The following NEK10 variants were observed in gnomAD, a reference collection of about 807,000 sequenced individuals.
NEK10 encodes the protein serine/threonine-protein kinase Nek10.
In NEK10, 122 loss-of-function variants were observed where a neutral mutation model predicts 159.8. The ratio of observed to expected loss-of-function variants is 0.76; its 90% CI spans 0.66 to 0.89. NEK10 has a LOEUF of 0.89. Among genes scored for constraint, NEK10 ranks in the 40% least tolerant of loss-of-function variants. The pLI, the probability that NEK10 is intolerant of heterozygous loss-of-function variation, is 0.00. For missense variants in NEK10, 1,342 were observed against 1,323.1 expected, an observed-to-expected ratio of 1.01 and a Z score of -0.22; for synonymous variants, 466 against 457.1, an observed-to-expected ratio of 1.02 and a Z score of -0.25.
At chr3:27,237,287 T>A (rs1011043435) in intron 23 of NEK10, among the ~76,000 whole-genome samples, 1 of 152,178 alleles carries the variant, frequency 6.6e-6, no homozygotes, top group Non-Finnish European at 1.5e-5. Context: ...TGTACAATAG[T>A]GGTCCTGAGG....
chr3:27,195,722 T>G (rs1949497104), intron 25 of NEK10, among the ~76,000 whole-genome samples: 2 of 152,316 alleles, frequency 1.3e-5, no homozygotes, highest in South Asian at 4.1e-4. Flanking sequence ...AGGTCTCAGA[T>G]TACACGTCCT....
chr3:27,326,251 G>C (rs2045991345), intron 5 of NEK10, among the ~76,000 whole-genome samples: 1 of 152,182 alleles, frequency 6.6e-6, no homozygotes, highest in Non-Finnish European at 1.5e-5. Flanking sequence ...TCTTTCAGGT[G>C]CTGGGTTAGC....
intron 29 of NEK10, 78 bp from the exon 30 acceptor site, chr3:27,162,816 G>A (rs888092357): frequency 3.2e-6 from 5 of 1,586,998 alleles, no homozygotes; most frequent in Admixed American, 3.6e-5. Context: ...ATCTTGCTAT[G>A]GTCTACATTA....
chr3:27,230,339 G>T (rs769618555), intron 23 of NEK10, among the ~76,000 whole-genome samples: 1 of 151,940 alleles, frequency 6.6e-6, no homozygotes, highest in African/African-American at 2.4e-5. Flanking sequence ...TTGCCACTAC[G>T]AAACTAGCAC....
intron 31 of NEK10, among the ~76,000 whole-genome samples, chr3:27,140,959 A>G (rs1361191428): frequency 6.6e-6 from 1 of 152,182 alleles, no homozygotes; most frequent in East Asian, 1.9e-4. Context: ...ATTTCTAGAC[A>G]TATTTCTGTC....
chr3:27,237,630 T>G (rs956453610), intron 23 of NEK10, among the ~76,000 whole-genome samples: 1 of 151,618 alleles, frequency 6.6e-6, no homozygotes, highest in Non-Finnish European at 1.5e-5. Context: ...AATGATATAA[T>G]GGATTTTGGG....
chr3:27,336,116 A>G (rs2046783941), intron 5 of NEK10, among the ~76,000 whole-genome samples: 1 of 152,128 alleles, frequency 6.6e-6, no homozygotes. Context: ...CGCTAGCTAG[A>G]CTAACAAAGA....
At chr3:27,299,898 TCTAGGAAGTAACTGA>T (rs1453836696) in intron 13 of NEK10, among the ~76,000 whole-genome samples, 1 of 152,314 alleles carries the variant, frequency 6.6e-6, no homozygotes, top group African/African-American at 2.4e-5. Flanking sequence ...CCCCATTGTA[TCTAGGAAGTAACTGA>T]CTTGCTTTTG....
At chr3:27,185,132 C>G (rs145057238) in intron 26 of NEK10, among the ~76,000 whole-genome samples, 1 of 152,104 alleles carries the variant, frequency 6.6e-6, no homozygotes, top group Non-Finnish European at 1.5e-5. Flanking sequence ...AAGTTATGAA[C>G]AGTTTGTGAA....
intron 22 of NEK10, among the ~76,000 whole-genome samples, 177 bp from the exon 23 acceptor site, chr3:27,256,548 G>C (rs1956199076): frequency 6.6e-6 from 1 of 151,996 alleles, no homozygotes; most frequent in South Asian, 2.1e-4. Flanking sequence ...CATAAAATAA[G>C]TCTTGCTGAC....
chr3:27,171,698 G>A (rs1399631199), intron 29 of NEK10, 121 bp downstream of exon 29: 27 of 938,392 alleles, frequency 2.9e-5, no homozygotes, highest in Non-Finnish European at 4.2e-5. Context: ...GGGCAAGTAA[G>A]CTCTAACTCC....
chr3:27,214,222 A>G (rs1287749559), intron 23 of NEK10, among the ~76,000 whole-genome samples: 1 of 152,218 alleles, frequency 6.6e-6, no homozygotes, highest in East Asian at 1.9e-4. Flanking sequence ...TTGATGTCTT[A>G]GGTCTCCCTA....
rs1448942002 is a variant in NEK10 at position 27,346,191 on chromosome 3, G to A, written c.158C>T (p.Ala53Val). ...CTCAGACTTCGTCATGCTATTTTGG[G>A]CACTATCGAAGTTAATGGCTGGAAG... ...QQLPAINFDS[A>V]QNSMTKSEPA... Residue 53 changes from alanine to valine, a missense_variant, in exon 4 of 36, where the codon GCC becomes GTC. Coordinates refer to ENST00000691995, the MANE Select transcript of NEK10 (RefSeq NM_001394966.1). 3 of 1,613,628 alleles carry A rather than the reference G, an allele frequency of 1.9e-6. No individual in the cohort carries two copies. Among genetic ancestry groups the A allele is most frequent in the Non-Finnish European group, 2.5e-6 (3 of 1,179,622 alleles).
intron 16 of NEK10, among the ~76,000 whole-genome samples, chr3:27,292,649 C>T (rs993986931): frequency 1.3e-5 from 2 of 151,572 alleles, no homozygotes; most frequent in Non-Finnish European, 2.9e-5. Flanking sequence ...GCCTGGCCAA[C>T]GTGGTGAAAA....
At chr3:27,202,090 G>A (rs1950102529) in intron 24 of NEK10, among the ~76,000 whole-genome samples, 1 of 152,150 alleles carries the variant, frequency 6.6e-6, no homozygotes, top group South Asian at 2.1e-4. Flanking sequence ...GGCGGAGGTT[G>A]CAGTGAGCCA....
intron 23 of NEK10, among the ~76,000 whole-genome samples, chr3:27,237,917 T>C (rs1954117532): frequency 1.3e-5 from 2 of 152,156 alleles, no homozygotes; most frequent in African/African-American, 2.4e-5. Flanking sequence ...TCACCAATAA[T>C]ACACCATGCT....
intron 22 of NEK10, among the ~76,000 whole-genome samples, chr3:27,282,549 T>TAG (rs1255990057): frequency 7.0e-6 from 1 of 142,012 alleles, no homozygotes; most frequent in Non-Finnish European, 1.5e-5. Context: ...TATATATATA[T>TAG]ATATATATAT....
chr3:27,353,639 G>T (rs2048128199), intron 1 of NEK10, among the ~76,000 whole-genome samples: 1 of 152,142 alleles, frequency 6.6e-6, no homozygotes, highest in African/African-American at 2.4e-5. Context: ...AAGTCTCTCA[G>T]CACAGGAGCA....
chr3:27,301,286 G>T (rs2043804336), intron 13 of NEK10, among the ~76,000 whole-genome samples: 1 of 152,172 alleles, frequency 6.6e-6, no homozygotes, highest in Admixed American at 6.5e-5. Context: ...CATGGGGAAG[G>T]TACTCTCTTG....
Sources: gnomAD v4.1 joint callset for allele counts (sites outside exome capture counted in the v4.1 genomes callset) on GRCh38, gnomAD v4.1.1 for gene constraint, MANE v1.5 for transcripts, NCBI Gene and HGNC (gene_info 2026-07-23, HGNC 2026-07-21) for gene names.